Variants in GRID1 observed in about 807,000 individuals in gnomAD.
The protein encoded by GRID1 is glutamate ionotropic receptor delta type subunit 1.
GRID1 carries 28 observed loss-of-function variants against 98.0 expected under a neutral mutation model. The observed-to-expected ratio is 0.29, with a 90% confidence interval of 0.21 to 0.39. GRID1 has a LOEUF of 0.39. Ranked by LOEUF, GRID1 falls within the 10% of genes least tolerant of loss-of-function variation. The probability of loss-of-function intolerance (pLI) is 1.00; values close to 1 mark genes in which losing one functional copy is unlikely to be tolerated. For missense variants in GRID1, 1,111 were observed against 1,340.5 expected, an observed-to-expected ratio of 0.83 and a Z score of 2.67; for synonymous variants, 553 against 538.5, an observed-to-expected ratio of 1.03 and a Z score of -0.37.
At chr10:86,312,486 G>C (rs1847844129) in intron 2 of GRID1, among the ~76,000 whole-genome samples, 1 of 152,198 alleles carries the variant, frequency 6.6e-6, no homozygotes, top group Non-Finnish European at 1.5e-5. Context: ...GCCTCTGGCA[G>C]TGGATTCAAA....
At position 85,943,967 on chromosome 10, in the gene GRID1, G is replaced by A. The variant is rs551588730; in HGVS notation, c.727-27728C>T. 5.3e-4 allele frequency among the ~76,000 whole-genome samples: 80 copies of A among 152,280 alleles called. 1 individual carries two copies. Among genetic ancestry groups the A allele is most frequent in the Admixed American group, 1.7e-3 (26 of 15,308 alleles). On this transcript the variant is annotated intron_variant, in intron 4 of 15. Coordinates refer to ENST00000327946, the MANE Select transcript of GRID1 (RefSeq NM_017551.3). ...AGAGACTTTAAAAGTTCTCAGCACT[G>A]GGGCTTGTCCTATCTTGCTGCTCTG...
chr10:86,126,500 C>T (rs1300880430), intron 4 of GRID1, among the ~76,000 whole-genome samples: 1 of 152,116 alleles, frequency 6.6e-6, no homozygotes, highest in African/African-American at 2.4e-5. Flanking sequence ...CTCCTAGGAC[C>T]ACTGTGCTAA....
At chr10:85,629,814 T>C (rs1842955812) in intron 13 of GRID1, among the ~76,000 whole-genome samples, 1 of 152,236 alleles carries the variant, frequency 6.6e-6, no homozygotes, top group African/African-American at 2.4e-5. Context: ...TGTAGTAATT[T>C]ACACTCCCAC....
chr10:86,238,569 C>T (rs1846576974), intron 2 of GRID1, among the ~76,000 whole-genome samples: 1 of 150,296 alleles, frequency 6.7e-6, no homozygotes, highest in African/African-American at 2.5e-5. Flanking sequence ...ACTTGGGAGG[C>T]TGAGGCAGGA....
intron 2 of GRID1, among the ~76,000 whole-genome samples, chr10:86,249,916 A>AAG (rs1309979567): frequency 6.6e-6 from 1 of 152,036 alleles, no homozygotes; most frequent in African/African-American, 2.4e-5. Context: ...GATGGTGGGT[A>AAG]GATGAATGGG....
intron 12 of GRID1, among the ~76,000 whole-genome samples, chr10:85,691,031 T>C (rs933889908): frequency 2.0e-5 from 3 of 152,340 alleles, no homozygotes; most frequent in Admixed American, 2.0e-4. Flanking sequence ...TGATGTCTAA[T>C]TTAATTAATT....
At chr10:85,813,973 T>A (rs1320696861) in intron 8 of GRID1, among the ~76,000 whole-genome samples, 1 of 151,472 alleles carries the variant, frequency 6.6e-6, no homozygotes, top group African/African-American at 2.4e-5. Flanking sequence ...ATACCCAAAA[T>A]GTAAATAAAT....
intron 4 of GRID1, among the ~76,000 whole-genome samples, chr10:85,962,355 T>C (rs1842280514): frequency 6.6e-6 from 1 of 152,214 alleles, no homozygotes. Context: ...GCTTCTCTAC[T>C]TAAGGAGACA....
intron 13 of GRID1, among the ~76,000 whole-genome samples, chr10:85,632,626 C>T (rs1019220542): frequency 2.6e-5 from 4 of 152,286 alleles, no homozygotes; most frequent in Non-Finnish European, 4.4e-5. Flanking sequence ...TCACTGCAAC[C>T]TCCACCTCCC....
intron 4 of GRID1, among the ~76,000 whole-genome samples, chr10:85,954,645 T>C (rs1348980280): frequency 6.6e-6 from 1 of 152,162 alleles, no homozygotes; most frequent in Non-Finnish European, 1.5e-5. Flanking sequence ...TCATAAGCAG[T>C]GTACTCTAGC....
chr10:86,210,908 C>A (rs1846098508), intron 2 of GRID1, among the ~76,000 whole-genome samples: 2 of 152,148 alleles, frequency 1.3e-5, no homozygotes, highest in African/African-American at 4.8e-5. Flanking sequence ...CAATGCATGC[C>A]CTGGTTGTTG....
chr10:85,798,072 A>C (rs1354909655), intron 8 of GRID1, among the ~76,000 whole-genome samples: 4 of 152,238 alleles, frequency 2.6e-5, no homozygotes, highest in Admixed American at 1.3e-4. Flanking sequence ...GGTGATGACC[A>C]TATGAGTACG....
intron 12 of GRID1, among the ~76,000 whole-genome samples, chr10:85,683,077 G>A (rs945253255): frequency 3.3e-5 from 5 of 152,106 alleles, no homozygotes; most frequent in Non-Finnish European, 5.9e-5. Flanking sequence ...AGTAGCCCTC[G>A]CACTCAGCTT....
intron 4 of GRID1, among the ~76,000 whole-genome samples, chr10:85,999,926 T>G (rs1462656898): frequency 6.6e-6 from 1 of 152,220 alleles, no homozygotes; most frequent in Non-Finnish European, 1.5e-5. Flanking sequence ...GGTAAAGATG[T>G]TCACACTCAC....
chr10:86,220,745 T>C (rs1158570107), intron 2 of GRID1, among the ~76,000 whole-genome samples: 1 of 152,196 alleles, frequency 6.6e-6, no homozygotes, highest in East Asian at 1.9e-4. Context: ...AAGTTTTGCA[T>C]GGGCTTTGCT....
At chr10:86,299,578 C>T (rs1278056411) in intron 2 of GRID1, among the ~76,000 whole-genome samples, 1 of 151,286 alleles carries the variant, frequency 6.6e-6, no homozygotes, top group East Asian at 1.9e-4. Flanking sequence ...AAAATCCAAA[C>T]ACCACATGTT....
chr10:85,609,375 G>A (rs1392914614), intron 15 of GRID1, among the ~76,000 whole-genome samples: 1 of 152,162 alleles, frequency 6.6e-6, no homozygotes, highest in East Asian at 1.9e-4. Context: ...GCGTGTCTCT[G>A]GGCCAGGCAC....
intron 4 of GRID1, among the ~76,000 whole-genome samples, chr10:86,056,274 T>C (rs900863788): frequency 6.6e-6 from 1 of 152,226 alleles, no homozygotes; most frequent in African/African-American, 2.4e-5. Flanking sequence ...TAGATGATGA[T>C]GCTGAAGACC....
intron 4 of GRID1, among the ~76,000 whole-genome samples, chr10:86,004,709 T>G (rs1337819522): frequency 6.7e-6 from 1 of 148,648 alleles, no homozygotes; most frequent in African/African-American, 2.5e-5. Flanking sequence ...TCTATCTCTC[T>G]CTGTCTCTCT....
Sources: gnomAD v4.1 joint callset for allele counts (sites outside exome capture counted in the v4.1 genomes callset) on GRCh38, gnomAD v4.1.1 for gene constraint, MANE v1.5 for transcripts, NCBI Gene and HGNC (gene_info 2026-07-23, HGNC 2026-07-21) for gene names.